WDTC1: variants seen among roughly 807,000 people sequenced by gnomAD.
WDTC1 encodes WD and tetratricopeptide repeats 1, also known as WD and tetratricopeptide repeats protein 1.
A neutral mutation model predicts 76.0 loss-of-function variants in WDTC1; 12 were observed. The observed-to-expected ratio is 0.16, with a 90% CI of 0.10 to 0.26. The LOEUF (loss-of-function observed/expected upper bound fraction) is 0.26, where lower values mean the gene tolerates loss of function less well. WDTC1 is among the 10% of genes least tolerant of loss of function. WDTC1 has a pLI of 1.00. For synonymous variants in WDTC1, 326 were observed against 350.8 expected, an observed-to-expected ratio of 0.93 and a Z score of 0.79; for missense variants, 511 against 908.8, an observed-to-expected ratio of 0.56 and a Z score of 5.63.
chr1:27,275,554 G>A (rs2012996561), intron 3 of WDTC1, among the ~76,000 whole-genome samples: 1 of 151,162 alleles, frequency 6.6e-6, no homozygotes, highest in South Asian at 2.1e-4. Context: ...GGAGGCGGAG[G>A]TTGCAGTGAG....
chr1:27,242,802 G>A (rs981074467), intron 1 of WDTC1, among the ~76,000 whole-genome samples: 2 of 152,062 alleles, frequency 1.3e-5, no homozygotes, highest in Admixed American at 6.6e-5. Context: ...ACAGCAATAC[G>A]GAGCCCACTG....
chr1:27,253,070 G>A (rs1433529254), intron 1 of WDTC1, among the ~76,000 whole-genome samples: 2 of 144,478 alleles, frequency 1.4e-5, no homozygotes, highest in African/African-American at 5.1e-5. Context: ...GTGCAGTGGT[G>A]CAATCTCGGC....
intron 9 of WDTC1, 65 bp from the exon 10 acceptor site, chr1:27,296,261 T>G: frequency 8.8e-6 from 14 of 1,589,736 alleles, no homozygotes; most frequent in South Asian, 7.7e-5. Flanking sequence ...CAAGACCTGC[T>G]TACTGGTTCA....
At position 27,286,500 on chromosome 1, in the gene WDTC1, C is replaced by T. The variant is rs868201136; in HGVS notation, c.292-1174C>T. 1.4e-4 allele frequency among the ~76,000 whole-genome samples: 18 copies of T among 130,246 alleles called. 1 individual carries two copies. The Middle Eastern group carries it at 0.027, about 199-fold the overall frequency. 85.4% of individuals were successfully genotyped at this position (130,246 alleles called of 152,430 possible). On this transcript the variant is annotated intron_variant, in intron 5 of 15. Coordinates refer to ENST00000319394, the MANE Select transcript of WDTC1 (RefSeq NM_001276252.2). ...TTTTTTTTTTTTTGAGATGGAGTCT[C>T]GCTCTGTTGCCCAGGCTGGAGTGCA...
chr1:27,272,743 A>G (rs946514955), intron 3 of WDTC1, among the ~76,000 whole-genome samples: 2 of 151,994 alleles, frequency 1.3e-5, no homozygotes, highest in African/African-American at 4.8e-5. Context: ...TGAGATCCCT[A>G]TCTCCACAAA....
At chr1:27,259,876 GAAAAGAA>G (rs2012419499) in intron 1 of WDTC1, among the ~76,000 whole-genome samples, 1 of 150,946 alleles carries the variant, frequency 6.6e-6, no homozygotes, top group South Asian at 2.1e-4. Flanking sequence ...AAAAAAGAGA[GAAAAGAA>G]AAAATTAGCT....
chr1:27,281,415 C>G (rs1204472326), intron 3 of WDTC1, among the ~76,000 whole-genome samples: 1 of 145,740 alleles, frequency 6.9e-6, no homozygotes, highest in African/African-American at 2.6e-5. Flanking sequence ...GATCATGCCA[C>G]TGCACTCCAG....
chr1:27,271,191 C>A (rs138003779), intron 3 of WDTC1, among the ~76,000 whole-genome samples: 3 of 151,990 alleles, frequency 2.0e-5, no homozygotes, highest in Admixed American at 2.0e-4. Flanking sequence ...CTTCTGTGGA[C>A]CTTTTTGTAG....
At chr1:27,243,281 T>G (rs1303625937) in intron 1 of WDTC1, among the ~76,000 whole-genome samples, 1 of 146,404 alleles carries the variant, frequency 6.8e-6, no homozygotes, top group African/African-American at 2.5e-5. Context: ...ATCTCGATCT[T>G]GGCTCACTGC....
Position 27,301,004 on chromosome 1 carries a change from C to A in WDTC1, c.1233-222C>A, listed in dbSNP as rs759102778. On this transcript the variant is annotated intron_variant, in intron 12 of 15. Coordinates refer to ENST00000319394, the MANE Select transcript of WDTC1 (RefSeq NM_001276252.2). The surrounding 1 kb of genome is among the most constrained non-coding windows in gnomAD (Gnocchi z 5.8). Reference sequence around the variant, plus strand: ...GGCAGCCTGACACCAGCTTTTGCCACCCTCAAGACCTCAGGGTTTCCTGGC... The same window carrying A: ...GGCAGCCTGACACCAGCTTTTGCCAACCTCAAGACCTCAGGGTTTCCTGGC... 6.6e-6 allele frequency among the ~76,000 whole-genome samples: 1 copy of A among 152,210 alleles called. No homozygotes were observed. The highest frequency in any genetic ancestry group is 1.5e-5 in the Non-Finnish European group (1 of 68,036).
chr1:27,297,848 C>A, intron 11 of WDTC1, 90 bp from the exon 12 acceptor site: 6 of 1,390,230 alleles, frequency 4.3e-6, no homozygotes, highest in Non-Finnish European at 4.8e-6. Flanking sequence ...CCAAGAAAAT[C>A]TGGGTGGCCC....
At chr1:27,246,323 T>C (rs147069258) in intron 1 of WDTC1, among the ~76,000 whole-genome samples, 4 of 152,326 alleles carry the variant, frequency 2.6e-5, no homozygotes, top group African/African-American at 9.6e-5. Context: ...CCATACGACA[T>C]GTAGTCTTTT....
Position 27,264,781 on chromosome 1 carries a change from C to T in WDTC1, c.132+1546C>T, listed in dbSNP as rs1423106148. ...GGGAATTCAGGCGTGAACCACCTCA[C>T]CCAGCCAAGATCACATTTTGAATCT... On this transcript the variant is annotated intron_variant, in intron 3 of 15. Transcript: ENST00000319394. Among the ~76,000 whole-genome samples the T allele has an allele frequency of 2.0e-5, 3 of 152,098 alleles. No individual in the cohort carries two copies. In the East Asian group the frequency reaches 5.8e-4, roughly 29 times the overall value.
chr1:27,259,512 GGC>G (rs1393846286), intron 1 of WDTC1, among the ~76,000 whole-genome samples: 1 of 151,716 alleles, frequency 6.6e-6, no homozygotes, highest in Non-Finnish European at 1.5e-5. Context: ...CTTCTTTAGA[GGC>G]AGAGTCTCGC....
At chr1:27,272,631 T>C (rs1557492759) in intron 3 of WDTC1, among the ~76,000 whole-genome samples, 2 of 152,190 alleles carry the variant, frequency 1.3e-5, no homozygotes, top group South Asian at 2.1e-4. Context: ...GGAAGAACTC[T>C]AAGGTACTGG....
At position 27,263,277 on chromosome 1, in the gene WDTC1, G is replaced by C. The variant is rs1197198449; in HGVS notation, c.132+42G>C. The C allele has an allele frequency of 5.7e-6, 9 of 1,588,140 alleles. No homozygotes were observed. In the South Asian group the frequency reaches 8.9e-5, roughly 16 times the overall value. On this transcript the variant is annotated intron_variant, in intron 3 of 15. Transcript: ENST00000319394. ...GCACCTTAGATGCAGATGGCCTGCT[G>C]TCCATTCTCTGCCTGCAGAAATCCT...
At position 27,282,684 on chromosome 1, in the gene WDTC1, A is replaced by C. The variant is rs138207302; in HGVS notation, c.179+399A>C. ...TGCCTGGCTAATTTTTTGTATTTTT[A>C]GTAGAGACGAGGTTTTGCCATGTTG... On this transcript the variant is annotated intron_variant, in intron 4 of 15. Transcript: ENST00000319394. 3.9e-3 allele frequency among the ~76,000 whole-genome samples: 595 copies of C among 151,876 alleles called. 5 individuals are homozygous for C. The highest frequency in any genetic ancestry group is 0.014 in the African/African-American group (572 of 41,468).
At position 27,240,979 on chromosome 1, in the gene WDTC1, AAAAAAC is replaced by A. The variant is rs1411213576; in HGVS notation, c.-100+6034_-100+6039del. 3.3e-5 allele frequency among the ~76,000 whole-genome samples: 5 copies of A among 151,124 alleles called. No homozygotes were observed. In the South Asian group the frequency reaches 1.0e-3, roughly 32 times the overall value. ...GACAGTGAGACTCCATCTCAAAAAAAAAAAACAAAAAAACTTTAAGCCTGAATAAGG... is the reference window on the plus strand; with the variant it reads ...GACAGTGAGACTCCATCTCAAAAAAAAAAAAAACTTTAAGCCTGAATAAGG... On this transcript the variant is annotated intron_variant, in intron 1 of 15. Coordinates refer to ENST00000319394, the MANE Select transcript of WDTC1 (RefSeq NM_001276252.2).
intron 1 of WDTC1, among the ~76,000 whole-genome samples, chr1:27,240,690 G>T (rs2011604575): frequency 6.6e-6 from 1 of 152,036 alleles, no homozygotes; most frequent in Non-Finnish European, 1.5e-5. Flanking sequence ...AAACTTTTAA[G>T]CCTGGGCTGG....
Sources: allele counts gnomAD v4.1 joint callset (sites outside exome capture counted in the v4.1 genomes callset), GRCh38; gene constraint gnomAD v4.1.1; non-coding constraint Gnocchi (gnomAD v3.1); transcripts MANE v1.5; gene names NCBI Gene and HGNC (gene_info 2026-07-23, HGNC 2026-07-21).